OTOF: variants seen among roughly 807,000 people sequenced by gnomAD.
OTOF encodes the protein fer-1-like family member 2.
Under a neutral mutation model 236.8 loss-of-function variants are expected in OTOF, and 218 were observed. The ratio of observed to expected loss-of-function variants is 0.92; its 90% confidence interval spans 0.82 to 1.03. OTOF has a LOEUF of 1.03. Among genes scored for constraint, OTOF ranks in the 50% least tolerant of loss-of-function variants. The pLI is 0.00. For synonymous variants in OTOF, 1,041 were observed against 1,072.5 expected, an observed-to-expected ratio of 0.97 and a Z score of 0.57; for missense variants, 2,590 against 2,694.4, an observed-to-expected ratio of 0.96 and a Z score of 0.86.
rs148376891 is a variant in OTOF, at chr2:26,482,504, C to T, written c.1481G>A (p.Arg494His). 1.9e-6 allele frequency: 3 copies of T among 1,613,304 alleles called. No homozygotes were observed. The highest frequency in any genetic ancestry group is 2.5e-6 in the Non-Finnish European group (3 of 1,179,920). Reference protein sequence around the residue: ...FTDLFPPLCKRMKVQIRDSDK... With the variant: ...FTDLFPPLCKHMKVQIRDSDK... ...CGAGTCTCGGATCTGCACCTTCATG[C>T]GTTTGCAGAGTGGGGGGAAGAGGTC... The change falls in exon 14 of 47, where the codon CGC (arginine) becomes CAC (histidine). Residue 494 changes from arginine to histidine, a missense_variant. Coordinates refer to ENST00000272371, the MANE Select transcript of OTOF (RefSeq NM_194248.3).
chr2:26,464,883 A>G lies in OTOF; in HGVS notation c.4946T>C (p.Ile1649Thr), dbSNP rs146618661. Residue 1649 changes from isoleucine (I) to threonine (T), a missense_variant, in exon 39 of 47, where the codon ATT becomes ACT. Around this residue, in one of 2 missense-constraint regions of OTOF, gnomAD observed 1,211 missense variants for 1,352.8 expected, o/e 0.90. Coordinates refer to ENST00000272371, the MANE Select transcript of OTOF (RefSeq NM_194248.3). The part of the protein sequence containing the change: ...ANRVFTGPSE[I>T]EDENGQRKPT... ...TGCCCCATTACCGTTCTCGTCCTCA[A>G]TCTCAGAGGGCCCAGTGAAGACGCG... 2.9e-5 allele frequency: 47 copies of G among 1,602,012 alleles called. No individual in the cohort carries two copies. In the African/African-American group the frequency reaches 5.0e-4, roughly 17 times the overall value.
At chr2:26,503,410 G>A (rs960486051) in intron 6 of OTOF, among the ~76,000 whole-genome samples, 2 of 152,250 alleles carry the variant, frequency 1.3e-5, no homozygotes, top group Non-Finnish European at 1.5e-5. Flanking sequence ...GCCTGCCGCC[G>A]ACCCCGTACT....
chr2:26,486,099 T>A (rs1363302976), intron 11 of OTOF, among the ~76,000 whole-genome samples: 2 of 152,262 alleles, frequency 1.3e-5, no homozygotes, highest in East Asian at 3.9e-4. Context: ...GGTGAATGGA[T>A]TACTGGATAG....
intron 3 of OTOF, among the ~76,000 whole-genome samples, chr2:26,524,323 C>T (rs906009414): frequency 1.1e-4 from 16 of 152,172 alleles, no homozygotes; most frequent in Non-Finnish European, 2.1e-4. Context: ...TCCTGGCCAA[C>T]ATGGGGAAAA....
At chr2:26,474,695 G>A (rs773229164) in intron 25 of OTOF, 21 bp from the exon 26 acceptor site, 10 of 1,612,960 alleles carry the variant, frequency 6.2e-6, no homozygotes, top group African/African-American at 1.3e-5. Context: ...AGACAACCCA[G>A]AAGCCTCTTG....
rs1396301808 is a variant in OTOF at position 26,522,547 on chromosome 2, TA to T, written c.228-3439del. Among the ~76,000 whole-genome samples the T allele has an allele frequency of 3.3e-5, 5 of 152,166 alleles. No homozygotes were observed. In the East Asian group the frequency reaches 9.6e-4, roughly 29 times the overall value. On this transcript the variant is annotated intron_variant, in intron 3 of 46. Transcript: ENST00000272371. ...CCTTTGTGCATCCTGGCTGCACACA[TA>T]GTAGGTTCTTACTCCTCTGCATGGG...
chr2:26,512,902 C>A (rs948488305), intron 5 of OTOF, among the ~76,000 whole-genome samples: 3 of 152,174 alleles, frequency 2.0e-5, no homozygotes, highest in African/African-American at 7.2e-5. Flanking sequence ...CATCCTTGAG[C>A]CCCATCTCAC....
At position 26,520,680 on chromosome 2, in the gene OTOF, C is replaced by T. The variant is rs150085207; in HGVS notation, c.228-1571G>A. Among the ~76,000 whole-genome samples the T allele has an allele frequency of 1.2e-3, 183 of 152,322 alleles. 1 individual carries two copies. The highest frequency in any genetic ancestry group is 3.9e-3 in the Admixed American group (59 of 15,304). On this transcript the variant is annotated intron_variant, in intron 3 of 46. Coordinates refer to ENST00000272371, the MANE Select transcript of OTOF (RefSeq NM_194248.3). ...GTGCCCCAGAGACAGAAGTGCTGGG[C>T]TGGGGGCCAGGAGCCCTGGAGCTGC...
chr2:26,477,631 C>A lies in OTOF; in HGVS notation c.2315+18G>T, dbSNP rs781335779. On this transcript the variant is annotated intron_variant, in intron 19 of 46. Coordinates refer to ENST00000272371, the MANE Select transcript of OTOF (RefSeq NM_194248.3). This position sits in a 1 kb window ranked among gnomAD's most constrained non-coding sequence, Gnocchi z 4.7. The stretch of plus-strand genomic sequence containing the variant: ...TTCCGCCTCATCCTCCCCCCACCTG[C>A]CGCCCCTCCCTTCTCACCAGCAGCC... 4.3e-6 allele frequency: 7 copies of A among 1,612,008 alleles called. No individual in the cohort carries two copies. In the South Asian group the frequency reaches 7.7e-5, roughly 18 times the overall value.
At chr2:26,511,457 T>G (rs544441832) in intron 5 of OTOF, among the ~76,000 whole-genome samples, 3 of 152,236 alleles carry the variant, frequency 2.0e-5, no homozygotes, top group African/African-American at 2.4e-5. Flanking sequence ...GCAATGAGGA[T>G]GAAGACAGGA....
chr2:26,537,519 T>A (rs189984337), intron 2 of OTOF, among the ~76,000 whole-genome samples, 197 bp downstream of exon 2: 12 of 152,316 alleles, frequency 7.9e-5, no homozygotes, highest in African/African-American at 2.4e-4. Context: ...TGCAGAGGTT[T>A]CTGGGGGGAA....
At chr2:26,539,081 G>C (rs1351014569) in intron 1 of OTOF, among the ~76,000 whole-genome samples, 1 of 152,062 alleles carries the variant, frequency 6.6e-6, no homozygotes, top group Non-Finnish European at 1.5e-5. Context: ...CCAAAGTGCT[G>C]GGATTACAGG....
intron 8 of OTOF, among the ~76,000 whole-genome samples, chr2:26,497,310 G>A (rs1482044604): frequency 6.6e-6 from 1 of 151,956 alleles, no homozygotes; most frequent in African/African-American, 2.4e-5. Flanking sequence ...CATGTTGGCC[G>A]GGATGGTCTC....
chr2:26,548,613 C>T (rs566196814), intron 1 of OTOF, among the ~76,000 whole-genome samples: 1 of 152,342 alleles, frequency 6.6e-6, no homozygotes, highest in South Asian at 2.1e-4. Context: ...GGATATACAA[C>T]AGTGGTCCCA....
chr2:26,540,669 G>T (rs1476718546), intron 1 of OTOF, among the ~76,000 whole-genome samples: 1 of 151,960 alleles, frequency 6.6e-6, no homozygotes, highest in African/African-American at 2.4e-5. Context: ...CGGGGTCGTT[G>T]ATGTCAGATC....
chr2:26,494,960 G>C lies in OTOF; in HGVS notation c.879C>G (p.Asn293Lys), dbSNP rs771489871. 1 of 1,614,060 alleles carries C rather than the reference G, an allele frequency of 6.2e-7. No homozygotes were observed. Among genetic ancestry groups the C allele is most frequent in the Non-Finnish European group, 8.5e-7 (1 of 1,180,020 alleles). The change falls in exon 9 of 47, where the codon AAC (asparagine) becomes AAG (lysine). Residue 293 changes from asparagine (N) to lysine (K), a missense_variant. Asn to Lys is a moderately conservative substitution (Grantham distance 94). Transcript: ENST00000272371. Reference protein sequence around the residue: ...KKYTSMKESTNCPYYNEYFVF... With the variant: ...KKYTSMKESTKCPYYNEYFVF... ...CACTGACCTCGTTGTAATAGGGGCA[G>C]TTAGTGGACTCCTTCATGGATGTGT...
At position 26,470,068 on chromosome 2, in the gene OTOF, G is replaced by A. The variant is rs1331753726; in HGVS notation, c.4023+525C>T. Among the ~76,000 whole-genome samples, 2 of 152,210 alleles carry A rather than the reference G, an allele frequency of 1.3e-5. No individual in the cohort carries two copies. The highest frequency in any genetic ancestry group is 1.5e-5 in the Non-Finnish European group (1 of 68,038). ...TCATTCACGTGCCGATGACCAAGAT[G>A]TGTAAAATAAAACATTATGAAGAAG... On this transcript the variant is annotated intron_variant, in intron 32 of 46. Transcript: ENST00000272371. The surrounding 1 kb of genome is among the most constrained non-coding windows in gnomAD (Gnocchi z 4.3).
chr2:26,477,712 G>A lies in OTOF; in HGVS notation c.2252C>T (p.Thr751Met), dbSNP rs727503359. ...GLNDIQEMIK[T>M]EKSYPERRLR... ...GCGACGCTCAGGGTAGGACTTCTCCGTTTTGATCATCTCCTGTATGTCGTT... is the reference window on the plus strand; with the variant it reads ...GCGACGCTCAGGGTAGGACTTCTCCATTTTGATCATCTCCTGTATGTCGTT... Residue 751 changes from threonine to methionine, a missense_variant, in exon 19 of 47, where the codon ACG (threonine) becomes ATG (methionine). Physicochemically the swap from Thr to Met is moderately conservative, Grantham distance 81 (BLOSUM62 -1). Coordinates refer to ENST00000272371, the MANE Select transcript of OTOF (RefSeq NM_194248.3). The surrounding 1 kb of genome is among the most constrained non-coding windows in gnomAD (Gnocchi z 4.7). 104 of 1,612,588 alleles carry A rather than the reference G, an allele frequency of 6.4e-5. No homozygotes were observed. In the Admixed American group the frequency reaches 8.5e-4, roughly 13 times the overall value.
intron 2 of OTOF, 23 bp from the exon 3 acceptor site, chr2:26,527,943 G>A (rs201719818): frequency 1.3e-5 from 21 of 1,566,676 alleles, no homozygotes; most frequent in East Asian, 2.2e-5. Flanking sequence ...GGACAACTGC[G>A]GCTTCGGTGG....
Sources: allele counts gnomAD v4.1 joint callset (sites outside exome capture counted in the v4.1 genomes callset), GRCh38; gene constraint gnomAD v4.1.1; regional missense constraint gnomAD v4.1.1; non-coding constraint Gnocchi (gnomAD v3.1); transcripts MANE v1.5; gene names NCBI Gene and HGNC (gene_info 2026-07-23, HGNC 2026-07-21).